Variants in PTPRM observed in about 807,000 individuals in gnomAD.
The protein encoded by PTPRM is protein tyrosine phosphatase receptor type M.
Under a neutral mutation model 186.7 loss-of-function variants are expected in PTPRM, and 47 were observed. The ratio of observed to expected loss-of-function variants is 0.25; its 90% CI spans 0.20 to 0.32. The LOEUF (loss-of-function observed/expected upper bound fraction) is 0.32. Among genes scored for constraint, PTPRM ranks in the 10% least tolerant of loss-of-function variants. The pLI, the probability that PTPRM is intolerant of heterozygous loss-of-function variation, is 1.00. For missense variants in PTPRM, 1,494 were observed against 1,865.0 expected (o/e 0.80, Z 3.66); for synonymous variants, 668 against 674.9 (o/e 0.99, Z 0.16).
At chr18:8,393,779 TTTGTTGTTG>T (rs71356214) in intron 31 of PTPRM, among the ~76,000 whole-genome samples, 7 of 151,014 alleles carry the variant, frequency 4.6e-5, no homozygotes, top group African/African-American at 7.3e-5. Flanking sequence ...TGCCAATGGA[TTTGTTGTTG>T]TTGTTGTTGT....
At chr18:7,919,442 C>T (rs557073451) in intron 4 of PTPRM, among the ~76,000 whole-genome samples, 1 of 152,102 alleles carries the variant, frequency 6.6e-6, no homozygotes, top group South Asian at 2.1e-4. Flanking sequence ...CATACCTAAA[C>T]CTATGGGATT....
intron 2 of PTPRM, among the ~76,000 whole-genome samples, chr18:7,790,024 C>T (rs1043799940): frequency 6.6e-6 from 1 of 152,112 alleles, no homozygotes; most frequent in African/African-American, 2.4e-5. Context: ...TTCCTTAAAT[C>T]CCCCAGCAGA....
intron 7 of PTPRM, among the ~76,000 whole-genome samples, chr18:8,027,703 A>G (rs1054002125): frequency 9.9e-5 from 15 of 152,236 alleles, no homozygotes; most frequent in South Asian, 2.1e-4. Flanking sequence ...TAATTTCTGA[A>G]TTAGTATCAA....
At chr18:8,170,748 T>A (rs2093388039) in intron 14 of PTPRM, among the ~76,000 whole-genome samples, 1 of 152,164 alleles carries the variant, frequency 6.6e-6, no homozygotes, top group Non-Finnish European at 1.5e-5. Context: ...CTGGCATTAT[T>A]ATTGTAACTG....
At chr18:8,230,477 T>C (rs2094273260) in intron 14 of PTPRM, among the ~76,000 whole-genome samples, 2 of 152,200 alleles carry the variant, frequency 1.3e-5, no homozygotes, top group African/African-American at 4.8e-5. Flanking sequence ...CCAGGATCAT[T>C]TTATCTCAAC....
chr18:8,249,236 A>C (rs968168074), intron 17 of PTPRM, among the ~76,000 whole-genome samples: 8 of 152,032 alleles, frequency 5.3e-5, no homozygotes, highest in African/African-American at 1.9e-4. Flanking sequence ...AGTTGTTACG[A>C]TTTTTGTATA....
intron 1 of PTPRM, among the ~76,000 whole-genome samples, chr18:7,687,926 C>T (rs376657306): frequency 2.1e-4 from 32 of 152,032 alleles, no homozygotes; most frequent in South Asian, 2.1e-3. Flanking sequence ...TACAGGCACA[C>T]GCCACCATGC....
chr18:7,666,516 C>A (rs368008660), intron 1 of PTPRM, among the ~76,000 whole-genome samples: 1 of 152,076 alleles, frequency 6.6e-6, no homozygotes, highest in Non-Finnish European at 1.5e-5. Flanking sequence ...AAGACACCAG[C>A]GTCTGACGAG....
chr18:7,856,418 T>C (rs1225240639), intron 2 of PTPRM, among the ~76,000 whole-genome samples: 1 of 152,190 alleles, frequency 6.6e-6, no homozygotes, highest in Non-Finnish European at 1.5e-5. Flanking sequence ...TCTCTACTTT[T>C]GTTTATTGAT....
intron 2 of PTPRM, among the ~76,000 whole-genome samples, chr18:7,834,491 T>TACGCACACACACACACATACACAC (rs2045924177): frequency 2.4e-5 from 2 of 84,610 alleles, no homozygotes; most frequent in East Asian, 6.3e-4. Flanking sequence ...TATACAAGTA[T>TACGCACACACACACACATACACAC]ACACACACAC....
At chr18:7,750,127 A>C (rs987995869) in intron 1 of PTPRM, among the ~76,000 whole-genome samples, 1 of 152,168 alleles carries the variant, frequency 6.6e-6, no homozygotes, top group African/African-American at 2.4e-5. Context: ...TAGGAATTAC[A>C]GGATAGTGTT....
chr18:8,007,852 T>C (rs2084282323), intron 7 of PTPRM, among the ~76,000 whole-genome samples: 2 of 152,026 alleles, frequency 1.3e-5, no homozygotes, highest in Admixed American at 1.3e-4. Flanking sequence ...ATTGCAATTG[T>C]TTCTGGTGGT....
At chr18:8,037,866 G>A (rs2086433266) in intron 7 of PTPRM, among the ~76,000 whole-genome samples, 1 of 152,130 alleles carries the variant, frequency 6.6e-6, no homozygotes, top group Admixed American at 6.6e-5. Context: ...GCGAGCCATA[G>A]TGTTGTATGT....
intron 20 of PTPRM, among the ~76,000 whole-genome samples, chr18:8,310,952 T>A (rs1017965299): frequency 1.3e-5 from 2 of 152,170 alleles, no homozygotes; most frequent in Non-Finnish European, 2.9e-5. Context: ...AATGATTAGG[T>A]AAGAGATTTC....
intron 31 of PTPRM, 140 bp downstream of exon 31, chr18:8,387,375 G>C: frequency 1.1e-6 from 1 of 871,270 alleles, no homozygotes; most frequent in Non-Finnish European, 1.7e-6. Context: ...ATGACACTCA[G>C]TGAGGGATTG....
intron 19 of PTPRM, among the ~76,000 whole-genome samples, chr18:8,275,832 A>G (rs922905540): frequency 6.6e-6 from 1 of 152,106 alleles, no homozygotes; most frequent in African/African-American, 2.4e-5. Flanking sequence ...CAGTCATTAT[A>G]CCACCAGACT....
chr18:7,755,093 G>C (rs937423304), intron 1 of PTPRM: 2 of 152,046 alleles, frequency 1.3e-5, no homozygotes, highest in Non-Finnish European at 2.9e-5. Context: ...ATTTACCAGG[G>C]TACACTTTGT....
chr18:8,063,278 C>G (rs867592081), intron 7 of PTPRM, among the ~76,000 whole-genome samples: 1 of 151,008 alleles, frequency 6.6e-6, no homozygotes, highest in Non-Finnish European at 1.5e-5. Flanking sequence ...TGACCCCTTG[C>G]GCTTCCCAGG....
At chr18:8,362,130 C>T (rs1289556038) in intron 23 of PTPRM, among the ~76,000 whole-genome samples, 1 of 152,132 alleles carries the variant, frequency 6.6e-6, no homozygotes, top group Non-Finnish European at 1.5e-5. Context: ...CCAAGCAAGC[C>T]GCTGGTGATG....
Sources: gnomAD v4.1 joint callset for allele counts (sites outside exome capture counted in the v4.1 genomes callset) on GRCh38, gnomAD v4.1.1 for gene constraint, MANE v1.5 for transcripts, NCBI Gene and HGNC (gene_info 2026-07-23, HGNC 2026-07-21) for gene names.